FHIP1A: variants seen among roughly 807,000 people sequenced by gnomAD.
The protein encoded by FHIP1A is FHF complex subunit HOOK interacting protein 1A.
A neutral mutation model predicts 88.6 loss-of-function variants in FHIP1A; 61 were observed. The observed-to-expected ratio is 0.69, with a 90% CI of 0.56 to 0.85. The LOEUF is 0.85. Among genes scored for constraint, FHIP1A ranks in the 40% least tolerant of loss-of-function variants. FHIP1A has a pLI of 0.00. For missense variants in FHIP1A, 1,154 were observed against 1,273.5 expected (o/e 0.91, Z 1.43); for synonymous variants, 478 against 496.0 (o/e 0.96, Z 0.48).
intron 5 of FHIP1A, among the ~76,000 whole-genome samples, chr4:151,581,331 G>A (rs1410822894): frequency 6.6e-6 from 1 of 152,086 alleles, no homozygotes; most frequent in Non-Finnish European, 1.5e-5. Context: ...TTGGAGTAGG[G>A]TGCAGTTCTA....
chr4:151,618,666 CAT>C (rs1735632419), intron 7 of FHIP1A, among the ~76,000 whole-genome samples: 1 of 152,212 alleles, frequency 6.6e-6, no homozygotes, highest in Non-Finnish European at 1.5e-5. Context: ...TTCATTGACA[CAT>C]GTCAACTCAC....
At chr4:151,572,164 A>G (rs1388707392) in intron 4 of FHIP1A, among the ~76,000 whole-genome samples, 2 of 152,160 alleles carry the variant, frequency 1.3e-5, no homozygotes, top group African/African-American at 4.8e-5. Context: ...CTGAGATTGC[A>G]CCATTGCACT....
intron 3 of FHIP1A, among the ~76,000 whole-genome samples, chr4:151,499,005 G>A (rs909148569): frequency 6.6e-6 from 1 of 152,194 alleles, no homozygotes; most frequent in Non-Finnish European, 1.5e-5. Context: ...GATTTAAACA[G>A]TTATTAAGCA....
At chr4:151,469,423 A>ATAC (rs1324817268) in intron 2 of FHIP1A, among the ~76,000 whole-genome samples, 1 of 152,160 alleles carries the variant, frequency 6.6e-6, no homozygotes, top group Non-Finnish European at 1.5e-5. Context: ...TTAAAATTTG[A>ATAC]TACTGTGAGA....
intron 2 of FHIP1A, among the ~76,000 whole-genome samples, chr4:151,461,253 GAAGCAGGATGTTTTTTGAGAAAACTTGTT>G (rs1221952197): frequency 2.0e-5 from 3 of 152,186 alleles, no homozygotes; most frequent in Non-Finnish European, 4.4e-5. Flanking sequence ...TGTTTAGGAA[GAAGCAGGATGTTTTTTGAGAAAACTTGTT>G]GGATGAAATA....
chr4:151,433,939 T>G (rs1362603906), intron 1 of FHIP1A, among the ~76,000 whole-genome samples: 1 of 152,190 alleles, frequency 6.6e-6, no homozygotes, highest in East Asian at 1.9e-4. Context: ...GGGATGCTGT[T>G]GGGAGATTTT....
At chr4:151,452,601 A>G (rs1165919828) in intron 1 of FHIP1A, among the ~76,000 whole-genome samples, 1 of 152,036 alleles carries the variant, frequency 6.6e-6, no homozygotes, top group Non-Finnish European at 1.5e-5. Context: ...GTATCTGTCT[A>G]TATATGTATA....
intron 7 of FHIP1A, among the ~76,000 whole-genome samples, chr4:151,596,176 T>A (rs1425870575): frequency 6.6e-6 from 1 of 152,192 alleles, no homozygotes; most frequent in Non-Finnish European, 1.5e-5. Context: ...TTTTTCTTTC[T>A]TATGTTTAGT....
chr4:151,529,037 C>G lies in FHIP1A; in HGVS notation c.-122-37101C>G, dbSNP rs544885347. Among the ~76,000 whole-genome samples the G allele has an allele frequency of 8.7e-4, 133 of 152,230 alleles. 1 individual carries two copies. Among genetic ancestry groups the G allele is most frequent in the African/African-American group, 3.1e-3 (130 of 41,534 alleles). ...TTGAGCCCTTCTCAGTTAGATGGGT[C>G]ATGTCATTTCTCCCTCCCGGTCTTT... On this transcript the variant is annotated intron_variant, in intron 3 of 13. Transcript: ENST00000435205.
chr4:151,451,721 A>AC (rs909141308), intron 1 of FHIP1A, among the ~76,000 whole-genome samples: 34 of 151,710 alleles, frequency 2.2e-4, no homozygotes, highest in Non-Finnish European at 4.6e-4. Context: ...TTTCCAGTAA[A>AC]TTTTTTTCAA....
At chr4:151,660,270 G>A (rs1737405754) in intron 13 of FHIP1A, among the ~76,000 whole-genome samples, 1 of 152,230 alleles carries the variant, frequency 6.6e-6, no homozygotes, top group Non-Finnish European at 1.5e-5. Flanking sequence ...CTCACTGGGT[G>A]TTCTGCCTTC....
At chr4:151,536,276 T>A (rs1732064840) in intron 3 of FHIP1A, among the ~76,000 whole-genome samples, 1 of 152,214 alleles carries the variant, frequency 6.6e-6, no homozygotes, top group Admixed American at 6.5e-5. Context: ...TTGATACAGT[T>A]CACACATCTT....
chr4:151,603,149 A>G (rs1734936721), intron 7 of FHIP1A, among the ~76,000 whole-genome samples: 1 of 152,000 alleles, frequency 6.6e-6, no homozygotes, highest in South Asian at 2.1e-4. Context: ...TGTTTCTACT[A>G]AAAAATACAA....
chr4:151,616,007 T>C (rs1451906187), intron 7 of FHIP1A, among the ~76,000 whole-genome samples: 2 of 152,158 alleles, frequency 1.3e-5, no homozygotes, highest in African/African-American at 4.8e-5. Context: ...TCTGTTAGGA[T>C]TGCCCGTGTG....
chr4:151,440,610 T>A (rs1728372629), intron 1 of FHIP1A, among the ~76,000 whole-genome samples: 1 of 152,036 alleles, frequency 6.6e-6, no homozygotes, highest in African/African-American at 2.4e-5. Flanking sequence ...CAAGGGGATT[T>A]AGGATAGTCA....
intron 4 of FHIP1A, among the ~76,000 whole-genome samples, chr4:151,573,884 A>T (rs1183080552): frequency 6.6e-6 from 1 of 152,230 alleles, no homozygotes; most frequent in East Asian, 1.9e-4. Context: ...AGATCAGTTT[A>T]TAGAAACTGA....
Position 151,668,348 on chromosome 4 carries a change from C to G in FHIP1A, c.*5594C>G, listed in dbSNP as rs989317056. ...TACAATATAAAATAGCGGGTCATGG[C>G]CATAAGCTGTGTCCTGAACTAACCA... On this transcript the variant is annotated 3_prime_UTR_variant, in exon 14 of 14. Coordinates refer to ENST00000435205, the MANE Select transcript of FHIP1A (RefSeq NM_001109977.3). Among the ~76,000 whole-genome samples the G allele has an allele frequency of 1.3e-5, 2 of 152,116 alleles. No individual in the cohort carries two copies. The highest frequency in any genetic ancestry group is 6.5e-5 in the Admixed American group (1 of 15,274).
intron 8 of FHIP1A, among the ~76,000 whole-genome samples, chr4:151,638,347 A>G (rs13114605): frequency 0.016 from 1,425 of 90,744 alleles, 9 homozygotes; most frequent in Middle Eastern, 0.03. Flanking sequence ...GTGTGTGTGT[A>G]TGTGAGAGAG....
intron 1 of FHIP1A, among the ~76,000 whole-genome samples, chr4:151,422,592 T>C (rs1232222770): frequency 6.6e-6 from 1 of 152,124 alleles, no homozygotes; most frequent in Non-Finnish European, 1.5e-5. Flanking sequence ...GGTTTTGCCA[T>C]GTTGGCCAGG....
Sources: allele counts gnomAD v4.1 joint callset (sites outside exome capture counted in the v4.1 genomes callset), GRCh38; gene constraint gnomAD v4.1.1; transcripts MANE v1.5; gene names NCBI Gene and HGNC (gene_info 2026-07-23, HGNC 2026-07-21).